Variants in NPNT observed in about 807,000 individuals in gnomAD.
NPNT encodes the protein preosteoblast EGF-like repeat protein with MAM domain.
NPNT carries 45 observed loss-of-function variants against 68.6 expected under a neutral mutation model. The observed-to-expected ratio is 0.66, with a 90% CI of 0.52 to 0.84. The LOEUF (loss-of-function observed/expected upper bound fraction) is 0.84, where lower values mean the gene tolerates loss of function less well. Ranked by LOEUF, NPNT falls within the 40% of genes least tolerant of loss-of-function variation. The pLI, the probability that NPNT is intolerant of heterozygous loss-of-function variation, is 0.00. For missense variants in NPNT, 672 were observed against 714.8 expected (o/e 0.94, Z 0.68); for synonymous variants, 233 against 253.3 (o/e 0.92, Z 0.76).
chr4:105,928,075 TA>T (rs1728824873), intron 3 of NPNT, among the ~76,000 whole-genome samples: 1 of 152,220 alleles, frequency 6.6e-6, no homozygotes, highest in African/African-American at 2.4e-5. Flanking sequence ...AATTAAGGTA[TA>T]ATCTATTAAT....
chr4:105,924,894 T>C (rs1560906370), intron 2 of NPNT, among the ~76,000 whole-genome samples: 1 of 152,236 alleles, frequency 6.6e-6, no homozygotes, highest in South Asian at 2.1e-4. Context: ...GGTTATTTCC[T>C]GGACTTGCAC....
In NPNT at chr4:105,963,193, C is replaced by T. The variant is rs1249759318; in HGVS notation, c.1346-3995C>T. Among the ~76,000 whole-genome samples, 8 of 152,132 alleles carry T rather than the reference C, an allele frequency of 5.3e-5. No homozygotes were observed. In the East Asian group the frequency reaches 1.5e-3, roughly 29 times the overall value. On this transcript the variant is annotated intron_variant, in intron 10 of 11. Transcript: ENST00000379987. ...TGAGCCGAGATCACGCCACTGTACT[C>T]CAGCCTAGGTGACAAAGCAAGACTC...
intron 3 of NPNT, among the ~76,000 whole-genome samples, chr4:105,928,212 TTTCTACTA>T (rs1464672911): frequency 6.6e-6 from 1 of 152,224 alleles, no homozygotes; most frequent in Non-Finnish European, 1.5e-5. Flanking sequence ...ATCCATATTT[TTTCTACTA>T]TACTAGTTTT....
At chr4:105,906,331 G>A (rs10013403) in intron 2 of NPNT, among the ~76,000 whole-genome samples, 21,430 of 152,174 alleles carry the variant, frequency 0.14, 3,147 homozygotes, top group African/African-American at 0.38. Context: ...TGAATGATGG[G>A]ATGGAAGGGG....
At chr4:105,897,446 A>G (rs760709681) in intron 1 of NPNT, among the ~76,000 whole-genome samples, 1 of 152,134 alleles carries the variant, frequency 6.6e-6, no homozygotes, top group African/African-American at 2.4e-5. Flanking sequence ...CACCTTTTAT[A>G]TGAGGCAGAA....
intron 8 of NPNT, among the ~76,000 whole-genome samples, chr4:105,944,649 A>C (rs996997275): frequency 9.9e-5 from 15 of 152,224 alleles, no homozygotes; most frequent in Admixed American, 9.8e-4. Flanking sequence ...GATCTTAAAG[A>C]CATGCTCTGG....
chr4:105,927,453 A>G (rs375613883), intron 3 of NPNT, 25 bp downstream of exon 3: 3 of 1,431,640 alleles, frequency 2.1e-6, no homozygotes, highest in African/African-American at 2.8e-5. Flanking sequence ...TGACATAAAT[A>G]CACAATCGAA....
chr4:105,969,695 G>A lies in NPNT; in HGVS notation c.*705G>A, dbSNP rs527975303. On this transcript the variant is annotated 3_prime_UTR_variant, in exon 12 of 12. Coordinates refer to ENST00000379987, the MANE Select transcript of NPNT (RefSeq NM_001033047.3). ...ATGTTCCAAATATTTACAGACTCTA[G>A]TTGCAAGGTAAAGGGCAGCTTGTGA... The A allele has an allele frequency of 3.3e-5, 5 of 152,148 alleles. No homozygotes were observed. Among genetic ancestry groups the A allele is most frequent in the African/African-American group, 1.2e-4 (5 of 41,484 alleles). 9.4% of individuals were successfully genotyped at this position (152,148 alleles called of 1,614,324 possible).
At chr4:105,900,623 T>C (rs1175876403) in intron 2 of NPNT, among the ~76,000 whole-genome samples, 5 of 152,150 alleles carry the variant, frequency 3.3e-5, no homozygotes, top group Admixed American at 6.5e-5. Flanking sequence ...GAGCCAGATA[T>C]AGCTGGGAAA....
chr4:105,899,896 G>A (rs1726254507), intron 2 of NPNT, among the ~76,000 whole-genome samples: 1 of 152,216 alleles, frequency 6.6e-6, no homozygotes, highest in Non-Finnish European at 1.5e-5. Context: ...AGAGGAATGT[G>A]GGGCTGAGAA....
chr4:105,903,394 C>G (rs1578574565), intron 2 of NPNT, among the ~76,000 whole-genome samples: 1 of 152,162 alleles, frequency 6.6e-6, no homozygotes, highest in Non-Finnish European at 1.5e-5. Flanking sequence ...GCCTTCATCA[C>G]AGGGGAGATG....
Position 105,942,136 on chromosome 4 carries a change from T to TATATATATATATAGAC in NPNT, c.764-170_764-169insTATATATATATAGACA, listed in dbSNP as rs140603677. Among the ~76,000 whole-genome samples, 267 of 147,756 alleles carry TATATATATATATAGAC rather than the reference T, an allele frequency of 1.8e-3. 3 individuals carry two copies. Among genetic ancestry groups the TATATATATATATAGAC allele is most frequent in the African/African-American group, 6.5e-3 (257 of 39,558 alleles). The stretch of plus-strand genomic sequence containing the variant: ...GTGTGTATATATATATATATATATA[T>TATATATATATATAGAC]ACACACATATATATTTGTTATTTGG... On this transcript the variant is annotated intron_variant, in intron 7 of 11. Coordinates refer to ENST00000379987, the MANE Select transcript of NPNT (RefSeq NM_001033047.3).
At chr4:105,923,622 C>T (rs571312537) in intron 2 of NPNT, among the ~76,000 whole-genome samples, 8 of 152,188 alleles carry the variant, frequency 5.3e-5, no homozygotes, top group African/African-American at 1.7e-4. Context: ...TTCTCAAGAT[C>T]GCCTCATGGT....
intron 10 of NPNT, among the ~76,000 whole-genome samples, chr4:105,964,585 A>G (rs1731974615): frequency 6.6e-6 from 1 of 152,214 alleles, no homozygotes; most frequent in African/African-American, 2.4e-5. Flanking sequence ...TATAGGTTAA[A>G]AGGAATCTCT....
chr4:105,954,612 A>G (rs751944358), intron 8 of NPNT, among the ~76,000 whole-genome samples: 1 of 152,132 alleles, frequency 6.6e-6, no homozygotes, highest in Non-Finnish European at 1.5e-5. Flanking sequence ...CTCTGCCTCT[A>G]TCTCCAATTC....
At chr4:105,958,414 CT>C (rs1731406819) in intron 8 of NPNT, 56 bp from the exon 9 acceptor site, 2 of 1,012,596 alleles carry the variant, frequency 2.0e-6, no homozygotes, top group Admixed American at 3.8e-5. Context: ...GGTAATGCCT[CT>C]TTATCAATAC....
chr4:105,955,601 A>G (rs1021533529), intron 8 of NPNT, among the ~76,000 whole-genome samples: 1 of 152,096 alleles, frequency 6.6e-6, no homozygotes, highest in East Asian at 1.9e-4. Flanking sequence ...AAGTGAACCA[A>G]TACAAATGAA....
chr4:105,927,253 T>C (rs1440972886), intron 2 of NPNT, 83 bp from the exon 3 acceptor site: 2 of 818,370 alleles, frequency 2.4e-6, no homozygotes, highest in Non-Finnish European at 3.9e-6. Flanking sequence ...TTTCTTTTAT[T>C]ATTAAACTAG....
intron 2 of NPNT, among the ~76,000 whole-genome samples, chr4:105,908,755 G>A (rs1375290442): frequency 6.6e-6 from 1 of 152,028 alleles, no homozygotes; most frequent in African/African-American, 2.4e-5. Context: ...AGCAGAGACA[G>A]GGTTTTACCA....
Sources: gnomAD v4.1 joint callset for allele counts (sites outside exome capture counted in the v4.1 genomes callset) on GRCh38, gnomAD v4.1.1 for gene constraint, MANE v1.5 for transcripts, NCBI Gene and HGNC (gene_info 2026-07-23, HGNC 2026-07-21) for gene names.